ARHGAP22: variants seen among roughly 807,000 people sequenced by gnomAD.
ARHGAP22 encodes Rho GTPase activating protein 22.
Under a neutral mutation model 59.1 loss-of-function variants are expected in ARHGAP22, and 48 were observed. The observed-to-expected ratio is 0.81, with a 90% CI of 0.64 to 1.03. The LOEUF (loss-of-function observed/expected upper bound fraction) is 1.03, where lower values mean the gene tolerates loss of function less well. Among genes scored for constraint, ARHGAP22 ranks in the 50% least tolerant of loss-of-function variants. The probability of loss-of-function intolerance (pLI) is 0.00; values close to 1 mark genes in which losing one functional copy is unlikely to be tolerated. For missense variants in ARHGAP22, 1,015 were observed against 958.7 expected (o/e 1.06, Z -0.78); for synonymous variants, 445 against 416.4 (o/e 1.07, Z -0.84).
At chr10:48,590,428 G>T (rs926679568) in intron 1 of ARHGAP22, among the ~76,000 whole-genome samples, 3 of 152,110 alleles carry the variant, frequency 2.0e-5, no homozygotes, top group African/African-American at 7.2e-5. Flanking sequence ...CGGTTGTGGT[G>T]GGGGCAAGGA....
At chr10:48,627,720 C>T (rs1205638411) in intron 1 of ARHGAP22, among the ~76,000 whole-genome samples, 4 of 152,206 alleles carry the variant, frequency 2.6e-5, no homozygotes, top group Non-Finnish European at 2.9e-5. Context: ...ATTCCAAGGG[C>T]TTTATGAAAG....
At chr10:48,533,427 T>A (rs1231269405) in intron 3 of ARHGAP22, among the ~76,000 whole-genome samples, 1 of 152,208 alleles carries the variant, frequency 6.6e-6, no homozygotes, top group African/African-American at 2.4e-5. Flanking sequence ...ACAGTCTTCA[T>A]ATTTGTGTTG....
chr10:48,547,124 A>C (rs1046037497), intron 3 of ARHGAP22, among the ~76,000 whole-genome samples: 1 of 152,176 alleles, frequency 6.6e-6, no homozygotes, highest in African/African-American at 2.4e-5. Context: ...AGTGTGTGGA[A>C]AATGGGCACA....
intron 4 of ARHGAP22, 106 bp downstream of exon 4, chr10:48,479,529 CA>C: frequency 6.3e-7 from 1 of 1,584,658 alleles, no homozygotes; most frequent in Non-Finnish European, 8.6e-7. Context: ...AGGATGCAGC[CA>C]GCAAGTCCTC....
intron 2 of ARHGAP22, among the ~76,000 whole-genome samples, chr10:48,576,098 T>A (rs1373793): frequency 0.47 from 71,248 of 152,070 alleles, 17,942 homozygotes; most frequent in East Asian, 0.97. Flanking sequence ...GTCCCACATC[T>A]GCATTTTGTG....
At chr10:48,647,687 G>A (rs930066082) in intron 1 of ARHGAP22, among the ~76,000 whole-genome samples, 2 of 152,128 alleles carry the variant, frequency 1.3e-5, no homozygotes, top group African/African-American at 4.8e-5. Flanking sequence ...CCTACCATAC[G>A]ACCCAGCAAG....
At chr10:48,583,198 G>C in intron 1 of ARHGAP22, 46 bp from the exon 2 acceptor site, 1 of 1,585,318 alleles carries the variant, frequency 6.3e-7, no homozygotes, top group African/African-American at 1.3e-5. Context: ...CAGCGTGCCT[G>C]CTATCAGTCC....
At chr10:48,478,756 A>G (rs965993937) in intron 4 of ARHGAP22, among the ~76,000 whole-genome samples, 1 of 152,088 alleles carries the variant, frequency 6.6e-6, no homozygotes, top group South Asian at 2.1e-4. Context: ...CTCATACCCC[A>G]TGTCCAGACC....
intron 1 of ARHGAP22, among the ~76,000 whole-genome samples, chr10:48,631,591 G>A (rs1337911355): frequency 6.6e-6 from 1 of 152,082 alleles, no homozygotes; most frequent in Non-Finnish European, 1.5e-5. Flanking sequence ...GCTAATCTGA[G>A]TCCACTCTCA....
chr10:48,454,766 C>A (rs2046324959), intron 6 of ARHGAP22, among the ~76,000 whole-genome samples: 1 of 152,110 alleles, frequency 6.6e-6, no homozygotes, highest in Admixed American at 6.5e-5. Context: ...AGGCCGCAGA[C>A]AGGTATGGCT....
intron 3 of ARHGAP22, chr10:48,533,040 G>A (rs2055008323): frequency 6.6e-6 from 1 of 152,174 alleles, no homozygotes; most frequent in African/African-American, 2.4e-5. Flanking sequence ...TTTTAGCACA[G>A]TGCATGGAAG....
At chr10:48,541,697 T>C (rs2135123426) in intron 3 of ARHGAP22, among the ~76,000 whole-genome samples, 1 of 152,168 alleles carries the variant, frequency 6.6e-6, no homozygotes, top group Non-Finnish European at 1.5e-5. Context: ...GTATAGACCA[T>C]GTTATGCACC....
At chr10:48,516,005 C>A (rs1265229480) in intron 3 of ARHGAP22, among the ~76,000 whole-genome samples, 1 of 126,340 alleles carries the variant, frequency 7.9e-6, no homozygotes, top group Non-Finnish European at 1.8e-5. Context: ...CACAGCAAGA[C>A]CTTAACTCAA....
Position 48,621,050 on chromosome 10 carries a change from G to A in ARHGAP22, c.52+31184C>T, listed in dbSNP as rs77806276. ...CTCTAGCAAGCTTGGTGTGTTACTC[G>A]CAACTGATGACTGCTCTTTCCAGAA... is the stretch of plus-strand genomic sequence containing the variant. On this transcript the variant is annotated intron_variant, in intron 1 of 9. Coordinates refer to the ARHGAP22 transcript ENST00000435790. Among the ~76,000 whole-genome samples, 682 of 152,354 alleles carry A rather than the reference G, an allele frequency of 4.5e-3. 6 individuals carry two copies. Among genetic ancestry groups the A allele is most frequent in the African/African-American group, 0.016 (659 of 41,586 alleles).
intron 9 of ARHGAP22, among the ~76,000 whole-genome samples, chr10:48,448,847 G>T (rs982124752): frequency 3.3e-5 from 5 of 152,204 alleles, no homozygotes; most frequent in African/African-American, 1.2e-4. Context: ...CACCAGGCAG[G>T]AGTCAATGCG....
chr10:48,479,293 C>T (rs1474007275), intron 4 of ARHGAP22: 6 of 391,680 alleles, frequency 1.5e-5, no homozygotes, highest in East Asian at 5.1e-5. Context: ...CACCCCTGGA[C>T]ACCACGAGAC....
At position 48,634,597 on chromosome 10, in the gene ARHGAP22, G is replaced by T. The variant is rs1279039842; in HGVS notation, c.52+17637C>A. ...GGCTCCCTAGAGGGTAGTGTGGCTG[G>T]CAGGGCATCTGTCTAGACACTCTCT... On this transcript the variant is annotated intron_variant, in intron 1 of 9. Transcript: ENST00000435790. Among the ~76,000 whole-genome samples the T allele has an allele frequency of 2.0e-5, 3 of 152,120 alleles. No individual in the cohort carries two copies. The East Asian group carries it at 5.8e-4, about 29-fold the overall frequency.
rs560483934 is a variant in ARHGAP22 at position 48,541,129 on chromosome 10, A to T, written c.322+14334T>A. Among the ~76,000 whole-genome samples, 20 of 152,190 alleles carry T rather than the reference A, an allele frequency of 1.3e-4. No homozygotes were observed. In the South Asian group the frequency reaches 4.2e-3, roughly 32 times the overall value. Reference sequence around the variant, plus strand: ...CAGCTGGCCCATGGACCACACGTGCATAGGAAGAACCTACTCTGGGGAGCA... The same window carrying T: ...CAGCTGGCCCATGGACCACACGTGCTTAGGAAGAACCTACTCTGGGGAGCA... On this transcript the variant is annotated intron_variant, in intron 3 of 9. Coordinates refer to ENST00000249601, the MANE Select transcript of ARHGAP22 (RefSeq NM_021226.4).
downstream of ARHGAP22, among the ~76,000 whole-genome samples, chr10:48,442,081 G>A (rs187409596): frequency 1.3e-5 from 2 of 152,312 alleles, no homozygotes; most frequent in Non-Finnish European, 2.9e-5. Flanking sequence ...CAACATTCAT[G>A]GCCCTCAAAG....
Sources: gnomAD v4.1 joint callset for allele counts (sites outside exome capture counted in the v4.1 genomes callset) on GRCh38, gnomAD v4.1.1 for gene constraint, MANE v1.5 for transcripts, NCBI Gene and HGNC (gene_info 2026-07-23, HGNC 2026-07-21) for gene names.